Variants in TOGARAM1 observed in about 807,000 individuals in gnomAD.
TOGARAM1 encodes the protein TOG array regulator of axonemal microtubules 1, also known as TOG array regulator of axonemal microtubules protein 1.
TOGARAM1 carries 100 observed loss-of-function variants against 166.6 expected under a neutral mutation model. The observed-to-expected ratio is 0.60, with a 90% CI of 0.51 to 0.71. The LOEUF is 0.71. Ranked by LOEUF, TOGARAM1 falls within the 30% of genes least tolerant of loss-of-function variation. TOGARAM1 has a pLI of 0.00. For synonymous variants in TOGARAM1, 758 were observed against 763.8 expected (o/e 0.99, Z 0.13); for missense variants, 2,029 against 2,102.7 (o/e 0.96, Z 0.69).
intron 1 of TOGARAM1, among the ~76,000 whole-genome samples, chr14:44,972,501 G>A (rs1237832361): frequency 1.3e-5 from 2 of 152,042 alleles, no homozygotes; most frequent in Admixed American, 1.3e-4. Context: ...GTGGGCTTGT[G>A]TATTTTTTCT....
chr14:45,019,827 A>C (rs985429529), intron 7 of TOGARAM1, among the ~76,000 whole-genome samples: 2 of 152,158 alleles, frequency 1.3e-5, no homozygotes, highest in African/African-American at 4.8e-5. Flanking sequence ...CCCTCTCAAC[A>C]GGAAAACTCA....
intron 19 of TOGARAM1, 121 bp downstream of exon 19, chr14:45,071,919 A>C: frequency 1.5e-6 from 1 of 664,804 alleles, no homozygotes; most frequent in Non-Finnish European, 2.5e-6. Context: ...GTAGAAATAA[A>C]TTGTGTAATG....
At chr14:44,977,887 C>T (rs936519205) in intron 1 of TOGARAM1, among the ~76,000 whole-genome samples, 1 of 151,912 alleles carries the variant, frequency 6.6e-6, no homozygotes, top group African/African-American at 2.4e-5. Context: ...TGAGCTCAAG[C>T]AATCCTCCCT....
chr14:44,971,334 T>C (rs1264434383), intron 1 of TOGARAM1, among the ~76,000 whole-genome samples: 1 of 152,186 alleles, frequency 6.6e-6, no homozygotes, highest in Non-Finnish European at 1.5e-5. Flanking sequence ...ACCCAATTTA[T>C]AAGCATAGAG....
chr14:45,049,748 A>G (rs1209817881), intron 14 of TOGARAM1, among the ~76,000 whole-genome samples: 1 of 152,068 alleles, frequency 6.6e-6, no homozygotes, highest in African/African-American at 2.4e-5. Flanking sequence ...ATATCACGTT[A>G]ATGTTCAAAA....
At chr14:45,068,712 CTTTTT>C (rs1470185019) in intron 18 of TOGARAM1, 69 bp downstream of exon 18, 1 of 1,216,808 alleles carries the variant, frequency 8.2e-7, no homozygotes, top group Non-Finnish European at 1.1e-6. Flanking sequence ...TCCATCCATA[CTTTTT>C]TTGTAATGCT....
At chr14:44,986,392 C>T (rs763609064) in intron 1 of TOGARAM1, among the ~76,000 whole-genome samples, 5 of 152,202 alleles carry the variant, frequency 3.3e-5, no homozygotes, top group South Asian at 2.1e-4. Flanking sequence ...TGGGTTTGAG[C>T]GATCCCCCTA....
Position 44,964,250 on chromosome 14 carries a change from C to T in TOGARAM1, c.1829C>T (p.Thr610Met), listed in dbSNP as rs766523116. ...AACCATTTGGCACATGGAGCAGATA[C>T]GGACTGGCTTTTGGCTGGTAACAGA... is the stretch of plus-strand genomic sequence containing the variant. The part of the protein sequence containing the change: ...RSNHLAHGAD[T>M]DWLLAGNRTQ... Residue 610 changes from threonine (T) to methionine (M), a missense_variant, in exon 1 of 20, where the codon ACG becomes ATG. Coordinates refer to ENST00000361462, the MANE Select transcript of TOGARAM1 (RefSeq NM_001308120.2). 6.2e-6 allele frequency: 10 copies of T among 1,614,000 alleles called. No individual in the cohort carries two copies. The East Asian group carries it at 1.1e-4, about 18-fold the overall frequency.
At chr14:45,066,895 C>A in intron 17 of TOGARAM1, 128 bp downstream of exon 17, 1 of 581,006 alleles carries the variant, frequency 1.7e-6, no homozygotes. Flanking sequence ...CCAACCTGGG[C>A]AACATAGCAA....
chr14:45,012,135 A>C (rs1277170659), intron 7 of TOGARAM1, 60 bp downstream of exon 7: 1 of 1,120,708 alleles, frequency 8.9e-7, no homozygotes, highest in Non-Finnish European at 1.3e-6. Context: ...TGATGTAAAA[A>C]ATGATAGCAA....
intron 1 of TOGARAM1, among the ~76,000 whole-genome samples, chr14:44,971,026 T>C (rs747715140): frequency 1.3e-5 from 2 of 152,130 alleles, no homozygotes; most frequent in Non-Finnish European, 1.5e-5. Context: ...GTTTTTTTTC[T>C]TATAAGGTCT....
intron 1 of TOGARAM1, among the ~76,000 whole-genome samples, chr14:44,964,951 T>TAAAAAAAAAA (rs35780816): frequency 7.0e-5 from 6 of 85,856 alleles, no homozygotes; most frequent in Admixed American, 2.7e-4. Flanking sequence ...ACTAGAAAAG[T>TAAAAAAAAAA]AAAAAAAAAA....
intron 1 of TOGARAM1, among the ~76,000 whole-genome samples, chr14:44,970,271 G>GAT (rs1369055754): frequency 6.6e-6 from 1 of 152,006 alleles, no homozygotes; most frequent in African/African-American, 2.4e-5. Flanking sequence ...GCTAAATTTA[G>GAT]ATTGAAATAT....
intron 11 of TOGARAM1, among the ~76,000 whole-genome samples, chr14:45,039,512 A>C (rs1489718761): frequency 6.6e-6 from 1 of 152,098 alleles, no homozygotes; most frequent in Non-Finnish European, 1.5e-5. Flanking sequence ...GCAGGCCCAC[A>C]CCAAGCTGCT....
intron 1 of TOGARAM1, among the ~76,000 whole-genome samples, chr14:44,967,596 A>G (rs934337018): frequency 4.6e-5 from 7 of 152,236 alleles, no homozygotes; most frequent in Non-Finnish European, 1.0e-4. Flanking sequence ...GACTAAAGGA[A>G]TAGCGTGTTT....
At chr14:45,016,538 C>A (rs1488014183) in intron 7 of TOGARAM1, among the ~76,000 whole-genome samples, 6 of 152,106 alleles carry the variant, frequency 3.9e-5, no homozygotes, top group African/African-American at 1.4e-4. Flanking sequence ...AGCCACCACA[C>A]CCGGCCCACA....
chr14:45,059,264 A>G (rs1375191637), intron 16 of TOGARAM1, among the ~76,000 whole-genome samples: 1 of 151,936 alleles, frequency 6.6e-6, no homozygotes, highest in Non-Finnish European at 1.5e-5. Context: ...GATGGACTCA[A>G]ACTCCTGGGC....
rs1887589632 is a variant in TOGARAM1 at position 44,999,427 on chromosome 14, A to G, written c.2268A>G (p.Ile756Met). 2.5e-6 allele frequency: 4 copies of G among 1,611,858 alleles called. No homozygotes were observed. Among genetic ancestry groups the G allele is most frequent in the South Asian group, 1.1e-5 (1 of 90,608 alleles). ...GTGCACAACTTGGATTTTCACAAAT[A>G]TGTGGTAAAACTGGCAGTGTGGGTT... ...GKCAQLGFSQ[I>M]CGKTGSVGSD... The change falls in exon 3 of 20, where the codon ATA (isoleucine) becomes ATG (methionine). Residue 756 changes from isoleucine (I) to methionine (M), a missense_variant. By Grantham distance (10) the Ile-to-Met change is conservative. Coordinates refer to ENST00000361462, the MANE Select transcript of TOGARAM1 (RefSeq NM_001308120.2).
chr14:45,066,986 A>G (rs1408351654), intron 17 of TOGARAM1, among the ~76,000 whole-genome samples: 2 of 152,194 alleles, frequency 1.3e-5, no homozygotes, highest in Non-Finnish European at 1.5e-5. Context: ...AGTTTAAAAC[A>G]TTGCCCTAAA....
Sources: allele counts gnomAD v4.1 joint callset (sites outside exome capture counted in the v4.1 genomes callset), GRCh38; gene constraint gnomAD v4.1.1; transcripts MANE v1.5; gene names NCBI Gene and HGNC (gene_info 2026-07-23, HGNC 2026-07-21).